Variants in RNF19B observed in about 807,000 individuals in gnomAD.
RNF19B encodes the protein E3 ubiquitin-protein ligase RNF19B.
Under a neutral mutation model 65.5 loss-of-function variants are expected in RNF19B, and 23 were observed. The observed-to-expected ratio is 0.35, with a 90% CI of 0.25 to 0.50. The LOEUF (loss-of-function observed/expected upper bound fraction) is 0.50. Among genes scored for constraint, RNF19B ranks in the 20% least tolerant of loss-of-function variants. The pLI is 0.98. For synonymous variants in RNF19B, 372 were observed against 379.6 expected (o/e 0.98, Z 0.23); for missense variants, 794 against 980.0 (o/e 0.81, Z 2.53).
At chr1:32,938,371 T>C in intron 8 of RNF19B, 26 bp downstream of exon 8, 2 of 1,613,966 alleles carry the variant, frequency 1.2e-6, no homozygotes, top group Non-Finnish European at 1.7e-6. Context: ...ATGCAACCTC[T>C]CCTGGACATC....
At chr1:32,952,557 A>C (rs1480187083) in intron 1 of RNF19B, among the ~76,000 whole-genome samples, 1 of 151,710 alleles carries the variant, frequency 6.6e-6, no homozygotes, top group Non-Finnish European at 1.5e-5. Flanking sequence ...CCTGGCCAAC[A>C]TGGTGAAACG....
chr1:32,933,182 G>A (rs534070197), downstream of RNF19B, among the ~76,000 whole-genome samples: 2 of 152,284 alleles, frequency 1.3e-5, no homozygotes, highest in African/African-American at 4.8e-5. Context: ...CTGAAATGCG[G>A]TAGGTATTTC....
In RNF19B at chr1:32,964,107, C is replaced by G; in HGVS notation, c.579G>C (p.Leu193=). ...PLMHKYEEFM[L]RRYLASDPDC... is the part of the protein sequence containing the mutation. ...CGGGGTCCGAGGCTAGGTAGCGGCG[C>G]AGCATGAACTCCTCGTACTTGTGCA... is the stretch of plus-strand genomic sequence containing the variant. The change falls in exon 1 of 9, where the codon CTG becomes CTC. Residue 193 remains leucine (L), a synonymous_variant. Transcript: ENST00000235150. The surrounding 1 kb of genome is among the most constrained non-coding windows in gnomAD (Gnocchi z 6.5). The G allele has an allele frequency of 6.5e-7, 1 of 1,534,522 alleles. No individual in the cohort carries two copies.
rs1462170193 is a variant in RNF19B at position 32,948,337 on chromosome 1, T to C, written c.868A>G (p.Ser290Gly). Residue 290 changes from serine (S) to glycine (G), a missense_variant, in exon 3 of 9, where the codon AGT becomes GGT. Ser to Gly is a moderately conservative substitution (Grantham distance 56). This residue lies in a region of RNF19B where 374 missense variants were observed against 423.8 expected (regional missense o/e 0.88). Coordinates refer to ENST00000235150, the MANE Select transcript of RNF19B (RefSeq NM_001300826.2). Reference protein sequence around the residue: ...PDDIKPCPRCSAYIIKMNDGS... With the variant: ...PDDIKPCPRCGAYIIKMNDGS... The stretch of plus-strand genomic sequence containing the variant: ...TCATTCATCTTGATAATGTATGCAC[T>C]GCATCGTGGGCATGGCTTGATGTCA... 6.2e-7 allele frequency: 1 copy of C among 1,613,658 alleles called. No homozygotes were observed. The highest frequency in any genetic ancestry group is 8.5e-7 in the Non-Finnish European group (1 of 1,179,692).
Position 32,964,563 on chromosome 1 carries a change from G to C in RNF19B, c.123C>G (p.Ala41=). The C allele has an allele frequency of 7.2e-7, 1 of 1,381,232 alleles. No individual in the cohort carries two copies. Among genetic ancestry groups the C allele is most frequent in the East Asian group, 3.4e-5 (1 of 29,216 alleles). 85.6% of individuals were successfully genotyped at this position (1,381,232 alleles called of 1,614,324 possible). Residue 41 remains alanine (A), a synonymous_variant, in exon 1 of 9, where the codon GCC becomes GCG. Coordinates refer to ENST00000235150, the MANE Select transcript of RNF19B (RefSeq NM_001300826.2). This position sits in a 1 kb window ranked among gnomAD's most constrained non-coding sequence, Gnocchi z 6.5. ...CCCGGGCGCGGCGGCCGCGGGCCGA[G>C]GCAGAGAAGACGCTGTGCAAGGTGA... The part of the protein sequence containing the change: ...RRLTLHSVFS[A]SARGRRARAK...
downstream of RNF19B, among the ~76,000 whole-genome samples, chr1:32,933,108 C>T (rs371502610): frequency 6.6e-6 from 1 of 152,166 alleles, no homozygotes; most frequent in Non-Finnish European, 1.5e-5. Context: ...TGCCTTCCCC[C>T]GTTAAGAGTC....
downstream of RNF19B, chr1:32,936,316 C>T (rs1026663568): frequency 3.3e-5 from 5 of 152,872 alleles, no homozygotes; most frequent in African/African-American, 1.2e-4. Context: ...TAGATGACTA[C>T]TGCGGTTGGA....
At chr1:32,938,652 A>G in intron 7 of RNF19B, 124 bp from the exon 8 acceptor site, 1 of 957,832 alleles carries the variant, frequency 1.0e-6, no homozygotes, top group Non-Finnish European at 1.6e-6. Context: ...ATCTTCTCCA[A>G]CTGTCAAACA....
chr1:32,955,409 G>A (rs942549449), intron 1 of RNF19B, among the ~76,000 whole-genome samples: 20 of 151,720 alleles, frequency 1.3e-4, no homozygotes, highest in Non-Finnish European at 1.9e-4. Flanking sequence ...TTCTGAATAC[G>A]GTAATCTTCT....
intron 1 of RNF19B, among the ~76,000 whole-genome samples, chr1:32,959,399 C>T (rs1046454952): frequency 6.6e-6 from 1 of 152,182 alleles, no homozygotes; most frequent in Non-Finnish European, 1.5e-5. Flanking sequence ...TTAAGATTAG[C>T]AACAGGATAC....
At chr1:32,957,220 G>C (rs888111518) in intron 1 of RNF19B, among the ~76,000 whole-genome samples, 2 of 152,062 alleles carry the variant, frequency 1.3e-5, no homozygotes, top group Non-Finnish European at 2.9e-5. Context: ...ACCCAGGCTG[G>C]TCTCGAACTC....
chr1:32,964,775 G>A lies in RNF19B; in HGVS notation c.-90C>T, dbSNP rs908717219. The A allele has an allele frequency of 1.5e-5, 18 of 1,195,818 alleles. No individual in the cohort carries two copies. The highest frequency in any genetic ancestry group is 4.5e-5 in the Admixed American group (1 of 22,092). The allele number at this position is 1,195,818 out of a possible 1,614,324, so 74.1% of individuals were successfully genotyped here. ...CAGCCAGCGCCCGGCCGCCGCCGACGCCGCCACCACCGCCTCAACCGCCCT... is the reference window on the plus strand; with the variant it reads ...CAGCCAGCGCCCGGCCGCCGCCGACACCGCCACCACCGCCTCAACCGCCCT... On this transcript the variant is annotated 5_prime_UTR_variant, in exon 1 of 9. Transcript: ENST00000235150. This position sits in a 1 kb window ranked among gnomAD's most constrained non-coding sequence, Gnocchi z 6.5.
chr1:32,945,523 C>T lies in RNF19B; in HGVS notation c.1252G>A (p.Val418Ile). The change falls in exon 5 of 9, where the codon GTT (valine) becomes ATT (isoleucine). Residue 418 changes from valine to isoleucine, a missense_variant. Transcript: ENST00000235150. ...GTCCTGACTAGCTTACCAACACTAACTGCAGCAATAACTGGGGATGCAATG... is the reference window on the plus strand; with the variant it reads ...GTCCTGACTAGCTTACCAACACTAATTGCAGCAATAACTGGGGATGCAATG... ...SVIASPVIAA[V>I]SVGIGVPIML... 2.5e-6 allele frequency: 4 copies of T among 1,606,614 alleles called. No homozygotes were observed. Among genetic ancestry groups the T allele is most frequent in the Non-Finnish European group, 3.4e-6 (4 of 1,173,168 alleles).
chr1:32,945,505 C>T lies in RNF19B; in HGVS notation c.1261+9G>A. ...TGAGAGAGAAGAGGTGTGGTCCTGA[C>T]TAGCTTACCAACACTAACTGCAGCA... On this transcript the variant is annotated intron_variant, in intron 5 of 8. Coordinates refer to ENST00000235150, the MANE Select transcript of RNF19B (RefSeq NM_001300826.2). 6.4e-7 allele frequency: 1 copy of T among 1,567,354 alleles called. No homozygotes were observed. Among genetic ancestry groups the T allele is most frequent in the Non-Finnish European group, 8.8e-7 (1 of 1,137,540 alleles).
chr1:32,947,548 A>G (rs1410441501), intron 3 of RNF19B, among the ~76,000 whole-genome samples: 1 of 152,020 alleles, frequency 6.6e-6, no homozygotes, highest in Non-Finnish European at 1.5e-5. Flanking sequence ...AATCCCAGCT[A>G]CTTAGGAGGC....
chr1:32,963,444 G>A lies in RNF19B; in HGVS notation c.635+607C>T, dbSNP rs371206518. Reference sequence around the variant, plus strand: ...GATACTCCCCACCTTGGCCGGGAGCGGTGGCTCACGCCTGTAATCCCAGCA... The same window carrying A: ...GATACTCCCCACCTTGGCCGGGAGCAGTGGCTCACGCCTGTAATCCCAGCA... On this transcript the variant is annotated intron_variant, in intron 1 of 8. Coordinates refer to ENST00000235150, the MANE Select transcript of RNF19B (RefSeq NM_001300826.2). Among the ~76,000 whole-genome samples, 738 of 152,256 alleles carry A rather than the reference G, an allele frequency of 4.8e-3. 7 individuals carry two copies. The highest frequency in any genetic ancestry group is 0.017 in the African/African-American group (693 of 41,540).
At chr1:32,942,932 A>T (rs1557568253) in intron 6 of RNF19B, among the ~76,000 whole-genome samples, 1 of 151,982 alleles carries the variant, frequency 6.6e-6, no homozygotes, top group Non-Finnish European at 1.5e-5. Flanking sequence ...CGAGGTCAGG[A>T]GATGGAGACC....
chr1:32,945,687 G>GA, intron 4 of RNF19B, 59 bp from the exon 5 acceptor site: 2 of 952,386 alleles, frequency 2.1e-6, no homozygotes, highest in Non-Finnish European at 1.7e-6. Flanking sequence ...TTTTGCCAGA[G>GA]AAAAAAAGGA....
chr1:32,963,752 C>T (rs983749896), intron 1 of RNF19B, among the ~76,000 whole-genome samples: 1 of 151,998 alleles, frequency 6.6e-6, no homozygotes, highest in African/African-American at 2.4e-5. Context: ...AAGATACTGT[C>T]CTCACCTCCG....
Sources: gnomAD v4.1 joint callset for allele counts (sites outside exome capture counted in the v4.1 genomes callset) on GRCh38, gnomAD v4.1.1 for gene constraint, gnomAD v4.1.1 regional missense constraint, Gnocchi (gnomAD v3.1) non-coding constraint, MANE v1.5 for transcripts, NCBI Gene and HGNC (gene_info 2026-07-23, HGNC 2026-07-21) for gene names.